Variants in INSL6 observed in about 807,000 individuals in gnomAD.
INSL6 encodes the protein insulin-like peptide INSL6.
In INSL6, 16 loss-of-function variants were observed where a neutral mutation model predicts 9.4. The ratio of observed to expected loss-of-function variants is 1.70; its 90% CI spans 1.15 to 2.59. The LOEUF (loss-of-function observed/expected upper bound fraction) is 2.59. Among genes scored for constraint, INSL6 ranks in the 30% most tolerant of loss-of-function variants. The pLI is 0.00. For missense variants in INSL6, 391 were observed against 257.3 expected, an observed-to-expected ratio of 1.52 and a Z score of -3.56; for synonymous variants, 154 against 96.9, an observed-to-expected ratio of 1.59 and a Z score of -3.46.
intron 2 of INSL6, among the ~76,000 whole-genome samples, chr9:5,153,381 T>C (rs544489598): frequency 6.6e-6 from 1 of 152,250 alleles, no homozygotes; most frequent in South Asian, 2.1e-4. Flanking sequence ...TTGCTGAGGC[T>C]TGAGTAGGTG....
At chr9:4,992,439 G>A in the INSL6 span, among the ~76,000 whole-genome samples, 2 of 152,186 alleles carry the variant, frequency 1.3e-5, no homozygotes, top group African/African-American at 4.8e-5. Context: ...TCACACTGCA[G>A]AAGAAAAACA....
At chr9:5,054,641 C>T in the INSL6 span, 5 of 1,613,024 alleles carry the variant, frequency 3.1e-6, no homozygotes, top group South Asian at 5.5e-5. The surrounding 1 kb of genome is among the most constrained non-coding windows in gnomAD (Gnocchi z 4.9). Flanking sequence ...GAATAAGGTA[C>T]AGATTTCGCA....
chr9:5,132,451 A>C (rs1034022266), intron 3 of INSL6, among the ~76,000 whole-genome samples: 25 of 152,332 alleles, frequency 1.6e-4, no homozygotes, highest in Non-Finnish European at 1.8e-4. Flanking sequence ...AATGCCAAAA[A>C]TACCTTGGTT....
At chr9:5,125,583 T>G (rs1003931892) in intron 3 of INSL6, among the ~76,000 whole-genome samples, 1 of 151,614 alleles carries the variant, frequency 6.6e-6, no homozygotes, top group Admixed American at 6.6e-5. Context: ...TCAAAATGCT[T>G]TCTAGAAAAG....
At chr9:5,169,724 G>C (rs1385678612) in intron 1 of INSL6, among the ~76,000 whole-genome samples, 1 of 152,170 alleles carries the variant, frequency 6.6e-6, no homozygotes, top group African/African-American at 2.4e-5. Flanking sequence ...TGCAATCCTA[G>C]TTTCTGACAA....
At chr9:5,084,787 T>C in the INSL6 span, among the ~76,000 whole-genome samples, 3 of 152,210 alleles carry the variant, frequency 2.0e-5, no homozygotes, top group African/African-American at 4.8e-5. Context: ...AATTAGAATT[T>C]ATAGGACTAG....
At chr9:5,163,489 G>A (rs796953606), downstream of INSL6, among the ~76,000 whole-genome samples, 81 of 152,308 alleles carry the variant, frequency 5.3e-4, no homozygotes, top group African/African-American at 1.9e-3. Context: ...AGGAATGGTA[G>A]TTGATTCGTT....
the INSL6 span, chr9:5,112,898 G>A: frequency 2.3e-5 from 8 of 343,142 alleles, no homozygotes; most frequent in African/African-American, 1.3e-4. Context: ...CCCGTGGGCT[G>A]GGCCCAGAAC....
the INSL6 span, among the ~76,000 whole-genome samples, chr9:5,024,242 C>A: frequency 1.3e-5 from 2 of 151,974 alleles, no homozygotes; most frequent in South Asian, 4.2e-4. Context: ...GGCGACAGAG[C>A]GAGACTCCAT....
Position 5,174,035 on chromosome 9 carries a change from C to T in INSL6, c.290-9770G>A, listed in dbSNP as rs78094405. On this transcript the variant is annotated intron_variant, in intron 1 of 1. Coordinates refer to ENST00000381641, the MANE Select transcript of INSL6 (RefSeq NM_007179.3). Reference sequence around the variant, plus strand: ...TACCTATTTCTACAGATGAACTATACACTCTAAAGCCAATTTCTGCACTTA... The same window carrying T: ...TACCTATTTCTACAGATGAACTATATACTCTAAAGCCAATTTCTGCACTTA... 2.2e-3 allele frequency among the ~76,000 whole-genome samples: 338 copies of T among 152,334 alleles called. 1 individual carries two copies. The highest frequency in any genetic ancestry group is 0.016 in the South Asian group (77 of 4,826).
At chr9:5,061,165 A>G in the INSL6 span, among the ~76,000 whole-genome samples, 1 of 152,358 alleles carries the variant, frequency 6.6e-6, no homozygotes, top group East Asian at 1.9e-4. Flanking sequence ...TAGACTTAGC[A>G]TAATTCGCAG....
At chr9:5,135,667 G>C (rs899842064) in intron 2 of INSL6, among the ~76,000 whole-genome samples, 4 of 152,140 alleles carry the variant, frequency 2.6e-5, no homozygotes, top group Non-Finnish European at 4.4e-5. Context: ...ACAAGAGAAA[G>C]CAGGAAAGAG....
intron 2 of INSL6, among the ~76,000 whole-genome samples, chr9:5,151,459 G>A (rs1824711223): frequency 6.6e-6 from 1 of 152,042 alleles, no homozygotes; most frequent in African/African-American, 2.4e-5. Context: ...GGTTTATAAT[G>A]CATGCAGCAG....
the INSL6 span, chr9:5,055,609 T>C: frequency 7.6e-6 from 10 of 1,320,406 alleles, no homozygotes; most frequent in Non-Finnish European, 1.1e-5. Context: ...TCTTAAGTCT[T>C]GTTTTAAAAT....
At chr9:5,129,760 A>T (rs940324370) in intron 3 of INSL6, among the ~76,000 whole-genome samples, 3 of 152,186 alleles carry the variant, frequency 2.0e-5, no homozygotes, top group African/African-American at 7.2e-5. Flanking sequence ...ATTAGATTTC[A>T]AAATGACACT....
the INSL6 span, among the ~76,000 whole-genome samples, chr9:5,035,000 TAAGAA>T: frequency 1.4e-4 from 21 of 150,842 alleles, no homozygotes; most frequent in Non-Finnish European, 2.7e-4. Flanking sequence ...GCAAGAATAA[TAAGAA>T]AAGAGAGAAG....
At chr9:5,017,830 A>G in the INSL6 span, among the ~76,000 whole-genome samples, 4 of 152,204 alleles carry the variant, frequency 2.6e-5, no homozygotes, top group Non-Finnish European at 5.9e-5. Context: ...ATACATTAGA[A>G]GTTCTAGAAT....
the INSL6 span, among the ~76,000 whole-genome samples, chr9:5,113,313 A>G: frequency 2.2e-3 from 337 of 150,068 alleles, 2 homozygotes; most frequent in African/African-American, 7.8e-3. Flanking sequence ...AAATCGTAAC[A>G]TATCACTTGA....
intron 1 of INSL6, among the ~76,000 whole-genome samples, chr9:5,182,030 T>G (rs946850743): frequency 1.3e-5 from 2 of 152,160 alleles, no homozygotes; most frequent in Non-Finnish European, 2.9e-5. Context: ...AAATTAAACA[T>G]ACACATACTT....
Sources: gnomAD v4.1 joint callset for allele counts (sites outside exome capture counted in the v4.1 genomes callset) on GRCh38, gnomAD v4.1.1 for gene constraint, Gnocchi (gnomAD v3.1) non-coding constraint, MANE v1.5 for transcripts, NCBI Gene and HGNC (gene_info 2026-07-23, HGNC 2026-07-21) for gene names.